Variants in QTMAN observed in about 807,000 individuals in gnomAD.
QTMAN encodes the protein tRNA-queuosine alpha-mannosyltransferase.
chr2:144,007,345 T>C, the QTMAN span: 5 of 1,613,356 alleles, frequency 3.1e-6, no homozygotes, highest in Non-Finnish European at 2.5e-6. Flanking sequence ...CTTAATGAGT[T>C]ACCCAAATAT....
At chr2:144,116,224 T>A in the QTMAN span, among the ~76,000 whole-genome samples, 1 of 139,814 alleles carries the variant, frequency 7.2e-6, no homozygotes, top group South Asian at 2.2e-4. Context: ...TTAGTCAACC[T>A]TAACCCAGCA....
chr2:144,262,000 AAAGAG>A, the QTMAN span, among the ~76,000 whole-genome samples: 7 of 152,316 alleles, frequency 4.6e-5, no homozygotes, highest in African/African-American at 1.2e-4. Flanking sequence ...GTGGAGGCAG[AAAGAG>A]AAGAAAGGAG....
At chr2:144,282,698 T>TATTTAGAATAG in the QTMAN span, among the ~76,000 whole-genome samples, 1 of 152,096 alleles carries the variant, frequency 6.6e-6, no homozygotes, top group East Asian at 1.9e-4. Flanking sequence ...ACAGAACTTC[T>TATTTAGAATAG]AAATCCCTTG....
At chr2:144,110,687 C>A in the QTMAN span, among the ~76,000 whole-genome samples, 22 of 141,948 alleles carry the variant, frequency 1.5e-4, 1 homozygote, top group Admixed American at 6.9e-5. Flanking sequence ...CGACCCCCCC[C>A]CAAAAAAAAA....
chr2:144,144,057 T>C, the QTMAN span, among the ~76,000 whole-genome samples: 7 of 151,906 alleles, frequency 4.6e-5, no homozygotes, highest in Admixed American at 1.3e-4. Context: ...GAAGTACACT[T>C]CTCTCTCTCC....
chr2:144,204,817 A>G, the QTMAN span, among the ~76,000 whole-genome samples: 1 of 152,168 alleles, frequency 6.6e-6, no homozygotes, highest in Non-Finnish European at 1.5e-5. Flanking sequence ...GCAGCCATAA[A>G]AAATGATGAG....
chr2:144,115,609 A>G, the QTMAN span, among the ~76,000 whole-genome samples: 2 of 152,182 alleles, frequency 1.3e-5, no homozygotes, highest in South Asian at 4.1e-4. Flanking sequence ...TGTTTTCTCC[A>G]AGCACTTTTT....
chr2:144,273,945 C>A, the QTMAN span, among the ~76,000 whole-genome samples: 1 of 152,086 alleles, frequency 6.6e-6, no homozygotes, highest in Non-Finnish European at 1.5e-5. Flanking sequence ...ACCAGCCTGG[C>A]CAACATGGTG....
At chr2:144,226,410 C>T in the QTMAN span, among the ~76,000 whole-genome samples, 2 of 152,174 alleles carry the variant, frequency 1.3e-5, no homozygotes, top group African/African-American at 4.8e-5. Flanking sequence ...TGTTGACCTT[C>T]ATTACTTCCA....
the QTMAN span, among the ~76,000 whole-genome samples, chr2:144,184,073 TAGAG>T: frequency 6.6e-6 from 1 of 152,152 alleles, no homozygotes; most frequent in Non-Finnish European, 1.5e-5. Flanking sequence ...TGGGATAAGT[TAGAG>T]AGTATGTGTG....
chr2:144,244,436 T>C, the QTMAN span, among the ~76,000 whole-genome samples: 1 of 152,206 alleles, frequency 6.6e-6, no homozygotes, highest in Non-Finnish European at 1.5e-5. Context: ...TCTGACAGAA[T>C]ACCAAACTGT....
At chr2:144,195,251 A>G in the QTMAN span, among the ~76,000 whole-genome samples, 8 of 152,100 alleles carry the variant, frequency 5.3e-5, no homozygotes, top group Non-Finnish European at 1.2e-4. Flanking sequence ...GAACAGGAGA[A>G]GGCTGAAAGA....
At chr2:144,318,943 AC>A in the QTMAN span, among the ~76,000 whole-genome samples, 1 of 152,204 alleles carries the variant, frequency 6.6e-6, no homozygotes, top group Non-Finnish European at 1.5e-5. Context: ...TAAATAGTAT[AC>A]CAAAAGTAAG....
chr2:144,216,984 TAC>T, the QTMAN span, among the ~76,000 whole-genome samples: 4 of 152,328 alleles, frequency 2.6e-5, no homozygotes, highest in South Asian at 8.3e-4. Flanking sequence ...CATTTTTAAA[TAC>T]TTTCTGCCAA....
chr2:143,985,065 C>A, the QTMAN span, among the ~76,000 whole-genome samples: 5 of 152,216 alleles, frequency 3.3e-5, no homozygotes, highest in African/African-American at 9.6e-5. Context: ...GTAACACATG[C>A]CCTCTGGTGC....
the QTMAN span, among the ~76,000 whole-genome samples, chr2:143,978,984 CTT>C: frequency 6.6e-6 from 1 of 152,168 alleles, no homozygotes; most frequent in South Asian, 2.1e-4. Context: ...TTAAGAGACT[CTT>C]TGATGTTTGC....
the QTMAN span, among the ~76,000 whole-genome samples, chr2:143,954,746 C>T: frequency 6.6e-6 from 1 of 151,938 alleles, no homozygotes; most frequent in African/African-American, 2.4e-5. Flanking sequence ...AAATTCATTT[C>T]CATAAGTTTC....
chr2:144,297,660 A>C, the QTMAN span, among the ~76,000 whole-genome samples: 1 of 146,816 alleles, frequency 6.8e-6, no homozygotes, highest in East Asian at 2.0e-4. Flanking sequence ...GGCTCACTGC[A>C]ATCTCCACCT....
At chr2:143,970,547 T>G in the QTMAN span, 1 of 729,910 alleles carries the variant, frequency 1.4e-6, no homozygotes, top group Non-Finnish European at 2.5e-6. Context: ...TGGTTAACAG[T>G]GCTCATCTTG....
Sources: allele counts gnomAD v4.1 joint callset (sites outside exome capture counted in the v4.1 genomes callset), GRCh38; gene constraint gnomAD v4.1.1; transcripts MANE v1.5; gene names NCBI Gene and HGNC (gene_info 2026-07-23, HGNC 2026-07-21).